The following FAM168B variants were observed in gnomAD, a reference collection of about 807,000 sequenced individuals.
FAM168B encodes myelin-associated neurite-outgrowth inhibitor.
A neutral mutation model predicts 21.8 loss-of-function variants in FAM168B; 19 were observed. That is an observed-to-expected ratio of 0.87 (90% CI 0.61 to 1.28). FAM168B has a LOEUF of 1.28. FAM168B is among the 50% of genes most tolerant of loss of function. The probability of loss-of-function intolerance (pLI) is 0.00; values close to 1 mark genes in which losing one functional copy is unlikely to be tolerated. For missense variants in FAM168B, 233 were observed against 263.1 expected, an observed-to-expected ratio of 0.89 and a Z score of 0.79; for synonymous variants, 126 against 104.8, an observed-to-expected ratio of 1.20 and a Z score of -1.24.
chr2:131,090,168 A>AC (rs1338207105), intron 1 of FAM168B, among the ~76,000 whole-genome samples: 1 of 150,560 alleles, frequency 6.6e-6, no homozygotes, highest in Non-Finnish European at 1.5e-5. Flanking sequence ...AAAAAAAAAA[A>AC]AAATTATCCA....
chr2:131,088,038 G>C (rs968452107), intron 1 of FAM168B, among the ~76,000 whole-genome samples: 1 of 152,044 alleles, frequency 6.6e-6, no homozygotes, highest in Non-Finnish European at 1.5e-5. Context: ...TTGAGACCAC[G>C]CGTTCGAGAC....
intron 6 of FAM168B, among the ~76,000 whole-genome samples, 184 bp downstream of exon 6, chr2:131,052,707 G>A (rs905246039): frequency 1.1e-4 from 17 of 152,112 alleles, no homozygotes; most frequent in African/African-American, 4.1e-4. Flanking sequence ...GTATTCAATG[G>A]TTCCTTCCTT....
chr2:131,049,644 A>T lies in FAM168B; in HGVS notation c.*2821T>A, dbSNP rs1691527360. 1.0e-6 allele frequency: 1 copy of T among 985,560 alleles called. No homozygotes were observed. The highest frequency in any genetic ancestry group is 1.7e-5 in the African/African-American group (1 of 57,232). 61.1% of individuals were successfully genotyped at this position (985,560 alleles called of 1,614,324 possible). ...CCTCAGGGGAGAAGGTGTAGAACAA[A>T]TATTTTTTAAATAGCCATCATGATG... On this transcript the variant is annotated 3_prime_UTR_variant, in exon 7 of 7. Coordinates refer to ENST00000389915, the MANE Select transcript of FAM168B (RefSeq NM_001009993.4).
intron 2 of FAM168B, among the ~76,000 whole-genome samples, chr2:131,079,820 TA>T (rs1035020431): frequency 1.3e-4 from 19 of 148,250 alleles, no homozygotes; most frequent in East Asian, 5.9e-4. Flanking sequence ...ACTTGTGGTT[TA>T]AAAAAAAAAA....
At chr2:131,070,680 C>T (rs778586567) in intron 3 of FAM168B, among the ~76,000 whole-genome samples, 1 of 152,114 alleles carries the variant, frequency 6.6e-6, no homozygotes, top group Non-Finnish European at 1.5e-5. Flanking sequence ...AATGGATAAG[C>T]AAACTGAAGT....
At chr2:131,091,298 C>CGGAG in intron 1 of FAM168B, among the ~76,000 whole-genome samples, 1 of 151,788 alleles carries the variant, frequency 6.6e-6, no homozygotes, top group African/African-American at 2.4e-5. Context: ...GAGATCACTC[C>CGGAG]ACTGCACTCC....
chr2:131,059,105 G>A (rs2105475227), intron 3 of FAM168B, among the ~76,000 whole-genome samples: 1 of 152,282 alleles, frequency 6.6e-6, no homozygotes, highest in East Asian at 1.9e-4. Context: ...CTGGGGCATT[G>A]TACCAACACA....
intron 3 of FAM168B, among the ~76,000 whole-genome samples, 176 bp downstream of exon 3, chr2:131,071,679 A>G (rs545451122): frequency 6.6e-6 from 1 of 152,292 alleles, no homozygotes; most frequent in African/African-American, 2.4e-5. Flanking sequence ...CACAGTATAT[A>G]AAGCTTCAGT....
rs1309568660 is a variant in FAM168B at position 131,048,084 on chromosome 2, G to A, written c.*4381C>T. 1 of 839,612 alleles carries A rather than the reference G, an allele frequency of 1.2e-6. No individual in the cohort carries two copies. Among genetic ancestry groups the A allele is most frequent in the Admixed American group, 3.6e-5 (1 of 27,996 alleles). The allele number at this position is 839,612 out of a possible 1,614,324, so 52.0% of individuals were successfully genotyped here. A position where few individuals can be genotyped will look rare whatever the true frequency, so the allele number is the denominator to read the frequency against. ...GGATACGTAAGTTCAATGCAGAGGTGAGGGATGCCTTTAACACTGGAAGAC... is the reference window on the plus strand; with the variant it reads ...GGATACGTAAGTTCAATGCAGAGGTAAGGGATGCCTTTAACACTGGAAGAC... On this transcript the variant is annotated 3_prime_UTR_variant, in exon 7 of 7. Coordinates refer to ENST00000389915, the MANE Select transcript of FAM168B (RefSeq NM_001009993.4).
chr2:131,080,009 CAGGAGGCTGAGGCAGGAGAAT>C (rs1287171054), intron 2 of FAM168B, among the ~76,000 whole-genome samples: 2 of 151,796 alleles, frequency 1.3e-5, no homozygotes, highest in African/African-American at 2.4e-5. Flanking sequence ...CCCAGCAACT[CAGGAGGCTGAGGCAGGAGAAT>C]CACCTGAACG....
intron 3 of FAM168B, among the ~76,000 whole-genome samples, chr2:131,062,667 C>T (rs1485839993): frequency 2.0e-5 from 3 of 152,174 alleles, no homozygotes; most frequent in Non-Finnish European, 4.4e-5. Flanking sequence ...AGGCTGGTCT[C>T]GAAGTCCTGA....
At chr2:131,084,543 A>G (rs1209493280) in intron 1 of FAM168B, among the ~76,000 whole-genome samples, 1 of 151,624 alleles carries the variant, frequency 6.6e-6, no homozygotes, top group African/African-American at 2.4e-5. Flanking sequence ...TTTTTTTCCT[A>G]AGAAAGACTA....
rs1358356358 is a variant in FAM168B, at chr2:131,071,875, G to A, written c.134C>T (p.Ala45Val). 8 of 1,613,984 alleles carry A rather than the reference G, an allele frequency of 5.0e-6. No homozygotes were observed. Among genetic ancestry groups the A allele is most frequent in the South Asian group, 1.1e-5 (1 of 91,084 alleles). Residue 45 changes from alanine (A) to valine (V), a missense_variant, in exon 3 of 7, where the codon GCG (alanine) becomes GTG (valine). Ala to Val is a moderately conservative substitution (Grantham distance 64). Transcript: ENST00000389915. ...PAYSPNMYPG[A>V]NPTFQTGYTP... ...CATACCTGTTTGGAAGGTAGGATTCGCTCCAGGATACATGTTAGGAGAATA... is the reference window on the plus strand; with the variant it reads ...CATACCTGTTTGGAAGGTAGGATTCACTCCAGGATACATGTTAGGAGAATA...
chr2:131,087,680 A>T (rs969406658), intron 1 of FAM168B, among the ~76,000 whole-genome samples: 2 of 152,154 alleles, frequency 1.3e-5, no homozygotes, highest in African/African-American at 4.8e-5. Context: ...GAGACCCTTA[A>T]ATACAGGCCT....
intron 3 of FAM168B, among the ~76,000 whole-genome samples, chr2:131,067,335 G>T (rs1031047132): frequency 5.3e-5 from 8 of 152,162 alleles, no homozygotes; most frequent in African/African-American, 1.9e-4. Flanking sequence ...TTGGAAGAGG[G>T]CTAAGAAATA....
At chr2:131,084,116 T>C (rs1422343798) in intron 1 of FAM168B, among the ~76,000 whole-genome samples, 1 of 152,038 alleles carries the variant, frequency 6.6e-6, no homozygotes, top group Non-Finnish European at 1.5e-5. Flanking sequence ...TTGGCCAGGA[T>C]GGTCTCATCT....
At chr2:131,073,328 G>C (rs1692975777) in intron 2 of FAM168B, among the ~76,000 whole-genome samples, 1 of 152,078 alleles carries the variant, frequency 6.6e-6, no homozygotes, top group South Asian at 2.1e-4. Context: ...CCTGACCTCA[G>C]GTGATCCACC....
intron 1 of FAM168B, among the ~76,000 whole-genome samples, 191 bp downstream of exon 1, chr2:131,093,023 T>C (rs1484065729): frequency 6.6e-6 from 1 of 151,342 alleles, no homozygotes; most frequent in Non-Finnish European, 1.5e-5. Flanking sequence ...CCTGCACGCG[T>C]ACGTGTCCGG....
At chr2:131,063,609 G>C (rs1692413557) in intron 3 of FAM168B, among the ~76,000 whole-genome samples, 1 of 152,114 alleles carries the variant, frequency 6.6e-6, no homozygotes. Context: ...GCGAGACCTT[G>C]TCTCTACAAA....
Sources: gnomAD v4.1 joint callset for allele counts (sites outside exome capture counted in the v4.1 genomes callset) on GRCh38, gnomAD v4.1.1 for gene constraint, MANE v1.5 for transcripts, NCBI Gene and HGNC (gene_info 2026-07-23, HGNC 2026-07-21) for gene names.